The following LMO7 variants were observed in gnomAD, a reference collection of about 807,000 sequenced individuals.
The protein encoded by LMO7 is LIM domain 7.
A neutral mutation model predicts 206.5 loss-of-function variants in LMO7; 120 were observed. That is an observed-to-expected ratio of 0.58 (90% CI 0.50 to 0.68). The LOEUF (loss-of-function observed/expected upper bound fraction) is 0.68, where lower values mean the gene tolerates loss of function less well. LMO7 is among the 30% of genes least tolerant of loss of function. The pLI is 0.00. For synonymous variants in LMO7, 706 were observed against 681.5 expected, an observed-to-expected ratio of 1.04 and a Z score of -0.56; for missense variants, 1,959 against 1,957.9, an observed-to-expected ratio of 1.00 and a Z score of -0.01.
chr13:75,636,944 C>A (rs995183190), intron 1 of LMO7, among the ~76,000 whole-genome samples: 2 of 152,174 alleles, frequency 1.3e-5, no homozygotes, highest in Non-Finnish European at 2.9e-5. Context: ...CTAACCCCCG[C>A]CCCCCGACGG....
chr13:75,758,827 T>G (rs77116292), intron 3 of LMO7, among the ~76,000 whole-genome samples: 2,478 of 152,318 alleles, frequency 0.016, 92 homozygotes, highest in African/African-American at 0.056. Flanking sequence ...TTGTAATACT[T>G]TAAACATTCA....
chr13:75,804,244 C>T (rs778318557), intron 7 of LMO7, 45 bp from the exon 8 acceptor site: 62 of 1,580,986 alleles, frequency 3.9e-5, no homozygotes, highest in South Asian at 4.6e-5. Flanking sequence ...TTCAGTTAGG[C>T]GAATAATCTG....
chr13:75,657,405 A>G (rs1409598513), intron 1 of LMO7, among the ~76,000 whole-genome samples: 1 of 152,200 alleles, frequency 6.6e-6, no homozygotes. Context: ...AAAGTATCTC[A>G]TGCATATGTG....
chr13:75,741,063 G>C (rs757457087), intron 3 of LMO7, among the ~76,000 whole-genome samples: 9 of 152,080 alleles, frequency 5.9e-5, no homozygotes, highest in South Asian at 2.1e-4. Flanking sequence ...TTTCCTAATA[G>C]AGACAGTGAA....
At chr13:75,625,766 T>G (rs538781238) in intron 2 of LMO7, among the ~76,000 whole-genome samples, 2 of 152,218 alleles carry the variant, frequency 1.3e-5, no homozygotes, top group African/African-American at 4.8e-5. Context: ...TCATCTGGTG[T>G]TGTTCATGAT....
chr13:75,805,811 G>C, intron 9 of LMO7, 51 bp downstream of exon 9: 2 of 1,566,442 alleles, frequency 1.3e-6, no homozygotes, highest in Non-Finnish European at 1.7e-6. Flanking sequence ...CAGTACCCCA[G>C]CTGGGGTTCT....
At chr13:75,853,986 A>G (rs2060711646) in intron 28 of LMO7, among the ~76,000 whole-genome samples, 1 of 152,222 alleles carries the variant, frequency 6.6e-6, no homozygotes, top group Non-Finnish European at 1.5e-5. Context: ...TTGAGGCTAC[A>G]TCAGCTGGAT....
chr13:75,724,774 C>T (rs1192242722), intron 2 of LMO7, among the ~76,000 whole-genome samples: 1 of 152,072 alleles, frequency 6.6e-6, no homozygotes, highest in Non-Finnish European at 1.5e-5. Context: ...TCAGTATTTG[C>T]CAAGACTATA....
At chr13:75,777,678 C>T (rs1871205803) in intron 4 of LMO7, among the ~76,000 whole-genome samples, 1 of 143,880 alleles carries the variant, frequency 7.0e-6, no homozygotes, top group African/African-American at 2.6e-5. Context: ...CAGAGTCTCG[C>T]TCTGTCACCC....
Position 75,821,417 on chromosome 13 carries a change from T to C in LMO7, c.2448T>C (p.Pro816=), listed in dbSNP as rs1175543539. 1 of 1,614,166 alleles carries C rather than the reference T, an allele frequency of 6.2e-7. No individual in the cohort carries two copies. Among genetic ancestry groups the C allele is most frequent in the Admixed American group, 1.7e-5 (1 of 60,022 alleles). ...AAATTCAGCTTCCTTCTCAAAGTCC[T>C]GTGGAAGAACAAAGCCCAGCCTCTT... is the stretch of plus-strand genomic sequence containing the variant. ...TTEIQLPSQS[P]VEEQSPASLS... The change falls in exon 14 of 31, where the codon CCT becomes CCC. Residue 816 remains proline, a synonymous_variant. Transcript: ENST00000377534.
intron 3 of LMO7, among the ~76,000 whole-genome samples, chr13:75,755,068 A>G (rs2047572156): frequency 6.6e-6 from 1 of 152,090 alleles, no homozygotes; most frequent in South Asian, 2.1e-4. Context: ...AGGCATTCCA[A>G]CACTGAAGGG....
chr13:75,836,710 C>T (rs1157218006), intron 19 of LMO7, among the ~76,000 whole-genome samples: 4 of 152,300 alleles, frequency 2.6e-5, no homozygotes, highest in Non-Finnish European at 5.9e-5. Context: ...GTGCCTAAGT[C>T]AAATAAGAAA....
chr13:75,780,569 A>G (rs1345020857), intron 4 of LMO7, among the ~76,000 whole-genome samples: 1 of 152,164 alleles, frequency 6.6e-6, no homozygotes, highest in Non-Finnish European at 1.5e-5. Flanking sequence ...CACATGCTCT[A>G]CAATTTGTGC....
At chr13:75,782,121 C>G (rs1357188691) in intron 4 of LMO7, among the ~76,000 whole-genome samples, 1 of 152,130 alleles carries the variant, frequency 6.6e-6, no homozygotes, top group East Asian at 1.9e-4. Flanking sequence ...TACAGAAGCT[C>G]TTTAGTTTAA....
At chr13:75,712,163 T>G (rs1415562989) in intron 1 of LMO7, among the ~76,000 whole-genome samples, 1 of 152,212 alleles carries the variant, frequency 6.6e-6, no homozygotes. Flanking sequence ...GGGATGGTGG[T>G]AAAGGTCCCT....
chr13:75,678,633 G>C (rs1046006062), intron 1 of LMO7, among the ~76,000 whole-genome samples: 1 of 152,100 alleles, frequency 6.6e-6, no homozygotes, highest in African/African-American at 2.4e-5. Context: ...ACACCTCTTC[G>C]GTGAGACCAG....
At chr13:75,621,048 T>C (rs2033286712) in exon 1 of LMO7, 1 of 152,292 alleles carries the variant, frequency 6.6e-6, no homozygotes, top group Non-Finnish European at 1.5e-5. Context: ...TTAGGCAAAT[T>C]AATACCTTAA....
At chr13:75,774,503 C>G (rs1382729141) in intron 4 of LMO7, among the ~76,000 whole-genome samples, 1 of 152,010 alleles carries the variant, frequency 6.6e-6, no homozygotes, top group Non-Finnish European at 1.5e-5. Flanking sequence ...ATAAGTTGTC[C>G]CACATTCTCC....
chr13:75,636,707 A>G lies in LMO7; in HGVS notation c.50A>G (p.Glu17Gly), dbSNP rs1412623844. 16 of 1,609,392 alleles carry G rather than the reference A, an allele frequency of 9.9e-6. No homozygotes were observed. Among genetic ancestry groups the G allele is most frequent in the Non-Finnish European group, 1.1e-5 (13 of 1,178,670 alleles). ...AEANCSVAFA[E>G]AQRWVEAVTE... is the part of the protein sequence containing the mutation. ...GCCAACTGCTCCGTGGCGTTCGCTGAGGCTCAGAGATGGGTGGAGGTGAGT... is the reference window on the plus strand; with the variant it reads ...GCCAACTGCTCCGTGGCGTTCGCTGGGGCTCAGAGATGGGTGGAGGTGAGT... The change falls in exon 1 of 31, where the codon GAG (glutamate) becomes GGG (glycine). Residue 17 changes from glutamate (E) to glycine (G), a missense_variant. By Grantham distance (98) the Glu-to-Gly change is moderately conservative. Coordinates refer to ENST00000377534, the MANE Select transcript of LMO7 (RefSeq NM_001306080.2).
Sources: allele counts gnomAD v4.1 joint callset (sites outside exome capture counted in the v4.1 genomes callset), GRCh38; gene constraint gnomAD v4.1.1; transcripts MANE v1.5; gene names NCBI Gene and HGNC (gene_info 2026-07-23, HGNC 2026-07-21).